PDE4D: variants seen among roughly 807,000 people sequenced by gnomAD.
The protein encoded by PDE4D is 3',5'-cyclic-AMP phosphodiesterase 4D.
Under a neutral mutation model 87.4 loss-of-function variants are expected in PDE4D, and 24 were observed. The ratio of observed to expected loss-of-function variants is 0.27; its 90% CI spans 0.20 to 0.39. The LOEUF is 0.39. Ranked by LOEUF, PDE4D falls within the 10% of genes least tolerant of loss-of-function variation. The probability of loss-of-function intolerance (pLI) is 1.00; values close to 1 mark genes in which losing one functional copy is unlikely to be tolerated. For synonymous variants in PDE4D, 384 were observed against 383.2 expected, an observed-to-expected ratio of 1.00 and a Z score of -0.02; for missense variants, 714 against 1,041.0, an observed-to-expected ratio of 0.69 and a Z score of 4.32.
intron 1 of PDE4D, among the ~76,000 whole-genome samples, chr5:59,665,420 C>T (rs1248627384): frequency 6.6e-6 from 1 of 152,126 alleles, no homozygotes; most frequent in Non-Finnish European, 1.5e-5. Flanking sequence ...GTCACTGAAC[C>T]ATTTTTATTT....
intron 1 of PDE4D, among the ~76,000 whole-genome samples, chr5:59,714,782 A>AC (rs746053282): frequency 3.9e-4 from 60 of 152,262 alleles, no homozygotes; most frequent in Non-Finnish European, 6.9e-4. Flanking sequence ...TATTATGTTA[A>AC]CCTCTGATTC....
At chr5:59,231,983 C>A (rs1301956290) in intron 1 of PDE4D, among the ~76,000 whole-genome samples, 1 of 152,178 alleles carries the variant, frequency 6.6e-6, no homozygotes, top group Non-Finnish European at 1.5e-5. Flanking sequence ...AGAGGATCAG[C>A]TCAAGTGTGA....
At chr5:59,415,241 G>T (rs1362394246) in intron 1 of PDE4D, among the ~76,000 whole-genome samples, 1 of 152,140 alleles carries the variant, frequency 6.6e-6, no homozygotes, top group Non-Finnish European at 1.5e-5. Flanking sequence ...AGTTTAAGTG[G>T]AAAAATAGCA....
intron 5 of PDE4D, among the ~76,000 whole-genome samples, chr5:59,140,855 T>C (rs1303548757): frequency 6.6e-6 from 1 of 151,544 alleles, no homozygotes; most frequent in Non-Finnish European, 1.5e-5. Flanking sequence ...TGTTACATCT[T>C]AGGGCCAAGG....
intron 1 of PDE4D, among the ~76,000 whole-genome samples, chr5:59,459,078 T>C (rs1363219559): frequency 6.6e-6 from 1 of 152,176 alleles, no homozygotes; most frequent in Admixed American, 6.5e-5. Flanking sequence ...CTGTTTTTAA[T>C]GGCCCTTTTA....
chr5:60,499,847 T>C (rs1749986520), intron 1 of PDE4D, among the ~76,000 whole-genome samples: 1 of 152,194 alleles, frequency 6.6e-6, no homozygotes, highest in Admixed American at 6.5e-5. Flanking sequence ...GGTATATTTC[T>C]CTCCTCTCCT....
At chr5:60,255,085 G>T (rs79541339) in intron 1 of PDE4D, among the ~76,000 whole-genome samples, 1 of 151,812 alleles carries the variant, frequency 6.6e-6, no homozygotes. Flanking sequence ...ACTTTTTCTT[G>T]CTTTGAGTTT....
intron 1 of PDE4D, among the ~76,000 whole-genome samples, chr5:59,489,433 T>C (rs1450184291): frequency 6.6e-6 from 1 of 152,210 alleles, no homozygotes; most frequent in Non-Finnish European, 1.5e-5. Context: ...AATTATTCCC[T>C]AATTAAATGA....
At position 60,080,882 on chromosome 5, in the gene PDE4D, T is replaced by C. The variant is rs770947297; in HGVS notation, c.43-92165A>G. Among the ~76,000 whole-genome samples the C allele has an allele frequency of 4.7e-4, 72 of 152,366 alleles. 1 individual carries two copies. The highest frequency in any genetic ancestry group is 1.8e-3 in the Admixed American group (28 of 15,310). ...CTTACCAGTTTTGGTATCAGGATGA[T>C]GCTGGCTTCATAAAATGAGTTAGGG... is the stretch of plus-strand genomic sequence containing the variant. On this transcript the variant is annotated intron_variant, in intron 2 of 16. Transcript: ENST00000502484.
intron 1 of PDE4D, among the ~76,000 whole-genome samples, chr5:59,283,766 CTCCTT>C (rs1256207526): frequency 1.3e-5 from 2 of 152,132 alleles, no homozygotes; most frequent in Non-Finnish European, 2.9e-5. Context: ...GAAGTTCAGT[CTCCTT>C]GGATTGATTC....
At chr5:59,424,967 C>G (rs1240533256) in intron 1 of PDE4D, among the ~76,000 whole-genome samples, 2 of 152,190 alleles carry the variant, frequency 1.3e-5, no homozygotes, top group African/African-American at 4.8e-5. Context: ...AAAAGCATAT[C>G]TCAATGTTTA....
intron 1 of PDE4D, among the ~76,000 whole-genome samples, chr5:60,452,872 C>T (rs147058154): frequency 5.3e-5 from 8 of 152,126 alleles, no homozygotes; most frequent in East Asian, 3.9e-4. Flanking sequence ...CCCAGAAAAA[C>T]GTAAAATGTG....
rs140321759 is a variant in PDE4D at position 60,127,367 on chromosome 5, C to A, written c.42+58190G>T. Among the ~76,000 whole-genome samples, 132 of 152,238 alleles carry A rather than the reference C, an allele frequency of 8.7e-4. No homozygotes were observed. In the Middle Eastern group the frequency reaches 0.014, roughly 16 times the overall value. ...TGTGGTGAGTGATAAGGTTGGACTT[C>A]TGTTTCAAACAGGTGACTGACTGCA... is the stretch of plus-strand genomic sequence containing the variant. On this transcript the variant is annotated intron_variant, in intron 2 of 16. Coordinates refer to the PDE4D transcript ENST00000502484.
chr5:59,282,379 G>A (rs966640983), intron 1 of PDE4D, among the ~76,000 whole-genome samples: 4 of 151,978 alleles, frequency 2.6e-5, no homozygotes, highest in African/African-American at 9.7e-5. Context: ...GGTGGCTCAT[G>A]CCTATAATCC....
intron 2 of PDE4D, among the ~76,000 whole-genome samples, chr5:60,036,662 G>T (rs1767838875): frequency 6.6e-6 from 1 of 152,196 alleles, no homozygotes; most frequent in Non-Finnish European, 1.5e-5. Flanking sequence ...TCTCCTTTAT[G>T]CCCTGACACT....
chr5:60,285,208 T>C (rs115386253), intron 1 of PDE4D, among the ~76,000 whole-genome samples: 1,681 of 152,222 alleles, frequency 0.011, 11 homozygotes, highest in Non-Finnish European at 0.019. Flanking sequence ...TGATATAATA[T>C]AATAGCAAGT....
chr5:60,457,394 A>C (rs1028858687), intron 1 of PDE4D, among the ~76,000 whole-genome samples: 1 of 152,180 alleles, frequency 6.6e-6, no homozygotes, highest in African/African-American at 2.4e-5. Context: ...ACAGCTTGGA[A>C]GAATTTAGAC....
At chr5:59,754,155 C>T (rs2150740995) in intron 1 of PDE4D, among the ~76,000 whole-genome samples, 1 of 152,216 alleles carries the variant, frequency 6.6e-6, no homozygotes, top group South Asian at 2.1e-4. Context: ...CATGGTGAAA[C>T]CCCCTCTCTA....
chr5:60,303,222 C>T (rs1233879941), intron 1 of PDE4D, among the ~76,000 whole-genome samples: 1 of 151,522 alleles, frequency 6.6e-6, no homozygotes, highest in Non-Finnish European at 1.5e-5. Flanking sequence ...TTCTTGATTT[C>T]TACCTTAATT....
Sources: allele counts gnomAD v4.1 joint callset (sites outside exome capture counted in the v4.1 genomes callset), GRCh38; gene constraint gnomAD v4.1.1; transcripts MANE v1.5; gene names NCBI Gene and HGNC (gene_info 2026-07-23, HGNC 2026-07-21).